Variants in ZNF497 observed in about 807,000 individuals in gnomAD.
ZNF497 encodes the protein zinc finger protein 497.
For synonymous variants in ZNF497, 422 were observed against 313.7 expected (o/e 1.35, Z -3.65); for missense variants, 930 against 714.0 (o/e 1.30, Z -3.45).
chr19:58,356,157 C>A lies in ZNF497; in HGVS notation c.1479G>T (p.Gly493=), dbSNP rs2052014703. The A allele has an allele frequency of 6.4e-7, 1 of 1,568,360 alleles. No individual in the cohort carries two copies. The change falls in exon 3 of 3, where the codon GGG becomes GGT. Residue 493 remains glycine (G), a synonymous_variant. Transcript: ENST00000311044. The part of the protein sequence containing the change: ...CNLNEHQKRH[G]GRAAP ...CCTCGGGTCAGGGCGCAGCGCGGCC[C>A]CCGTGCCGCTTCTGGTGCTCGTTGA...
In ZNF497 at chr19:58,355,152, T is replaced by G. The variant is rs1178311251; in HGVS notation, c.*987A>C. ...AGTCCCTAACTTATATCCCCTCTGT[T>G]TGAAATACCTAGTGTGGTTTCTATT... On this transcript the variant is annotated 3_prime_UTR_variant, in exon 3 of 3. Transcript: ENST00000311044. The G allele has an allele frequency of 1.3e-5, 2 of 152,270 alleles. No individual in the cohort carries two copies. Among genetic ancestry groups the G allele is most frequent in the African/African-American group, 4.8e-5 (2 of 41,440 alleles). The allele number at this position is 152,270 out of a possible 1,614,324, so 9.4% of individuals were successfully genotyped here. A position where few individuals can be genotyped will look rare whatever the true frequency, so the allele number is the denominator to read the frequency against.
At chr19:58,358,087 C>T (rs1010024598) in intron 2 of ZNF497, 29 of 1,240,324 alleles carry the variant, frequency 2.3e-5, no homozygotes, top group Non-Finnish European at 2.9e-5. Flanking sequence ...TGGAGGACAC[C>T]GCCTGACCCA....
chr19:58,356,234 T>C lies in ZNF497; in HGVS notation c.1402A>G (p.Arg468Gly). 6.2e-7 allele frequency: 1 copy of C among 1,607,556 alleles called. No homozygotes were observed. The highest frequency in any genetic ancestry group is 8.5e-7 in the Non-Finnish European group (1 of 1,177,506). Reference protein sequence around the residue: ...LSHRRTHTGERPYACGECGKP... With the variant: ...LSHRRTHTGEGPYACGECGKP... Reference sequence around the variant, plus strand: ...CCGCACTCGCCGCAAGCGTAGGGCCTCTCGCCCGTGTGCGTGCGCCGGTGG... The same window carrying C: ...CCGCACTCGCCGCAAGCGTAGGGCCCCTCGCCCGTGTGCGTGCGCCGGTGG... The change falls in exon 3 of 3, where the codon AGG becomes GGG. Residue 468 changes from arginine to glycine, a missense_variant. Coordinates refer to ENST00000311044, the MANE Select transcript of ZNF497 (RefSeq NM_198458.3).
Position 58,356,711 on chromosome 19 carries a change from T to G in ZNF497, c.925A>C (p.Lys309Gln), listed in dbSNP as rs1365631248. 1 of 1,568,250 alleles carries G rather than the reference T, an allele frequency of 6.4e-7. No homozygotes were observed. The highest frequency in any genetic ancestry group is 2.3e-5 in the East Asian group (1 of 42,800). Residue 309 changes from lysine to glutamine, a missense_variant, in exon 3 of 3, where the codon AAG becomes CAG. Lys to Gln is a moderately conservative substitution (Grantham distance 53). Transcript: ENST00000311044. ...AGCTGCGAGCTCTCGCGGAAAGCCTTTCCGCACTCGGCGCAGGGGAAGGGC... is the reference window on the plus strand; with the variant it reads ...AGCTGCGAGCTCTCGCGGAAAGCCTGTCCGCACTCGGCGCAGGGGAAGGGC... ...EKPFPCAECG[K>Q]AFRESSQLLQ... is the part of the protein sequence containing the mutation.
chr19:58,358,856 C>T (rs977306825), intron 1 of ZNF497: 5 of 456,860 alleles, frequency 1.1e-5, no homozygotes, highest in Middle Eastern at 3.2e-4. Flanking sequence ...CAGCTGGGGT[C>T]GTGAGCAGGG....
In ZNF497 at chr19:58,356,779, A is replaced by G. The variant is rs2052028087; in HGVS notation, c.857T>C (p.Val286Ala). The change falls in exon 3 of 3, where the codon GTG (valine) becomes GCG (alanine). Residue 286 changes from valine to alanine, a missense_variant. Physicochemically the swap from Val to Ala is moderately conservative, Grantham distance 64. Transcript: ENST00000311044. ...CPDCGKAFVR[V>A]AGLRQHRRTH... Reference sequence around the variant, plus strand: ...GCGCCGGTGCTGCCGCAGCCCCGCCACACGCACGAAGGCCTTGCCGCAGTC... The same window carrying G: ...GCGCCGGTGCTGCCGCAGCCCCGCCGCACGCACGAAGGCCTTGCCGCAGTC... 6.5e-7 allele frequency: 1 copy of G among 1,550,086 alleles called. No homozygotes were observed. The highest frequency in any genetic ancestry group is 1.5e-5 in the African/African-American group (1 of 68,286).
In ZNF497 at chr19:58,355,785, G is replaced by C. The variant is rs2052010406; in HGVS notation, c.*354C>G. 1 of 229,546 alleles carries C rather than the reference G, an allele frequency of 4.4e-6. No homozygotes were observed. Among genetic ancestry groups the C allele is most frequent in the Non-Finnish European group, 8.4e-6 (1 of 119,076 alleles). The allele number at this position is 229,546 out of a possible 1,614,324, so 14.2% of individuals were successfully genotyped here. A position where few individuals can be genotyped will look rare whatever the true frequency, so the allele number is the denominator to read the frequency against. Reference sequence around the variant, plus strand: ...GTGGTGACCATGTGGACTGGGGGGTGGGTTGGCTGCTTTTGACAGTGCCAG... The same window carrying C: ...GTGGTGACCATGTGGACTGGGGGGTCGGTTGGCTGCTTTTGACAGTGCCAG... On this transcript the variant is annotated 3_prime_UTR_variant, in exon 3 of 3. Transcript: ENST00000311044.
chr19:58,355,960 A>G lies in ZNF497; in HGVS notation c.*179T>C, dbSNP rs999162647. The G allele has an allele frequency of 1.6e-5, 11 of 670,312 alleles. 1 individual carries two copies. The highest frequency in any genetic ancestry group is 4.8e-5 in the South Asian group (2 of 42,006). 41.5% of individuals were successfully genotyped at this position (670,312 alleles called of 1,614,324 possible). Reference sequence around the variant, plus strand: ...CCAGACAGGCCTGGGTGGCCGGTGGACTATCGTCAAAGGGACTGTGCAGCC... The same window carrying G: ...CCAGACAGGCCTGGGTGGCCGGTGGGCTATCGTCAAAGGGACTGTGCAGCC... On this transcript the variant is annotated 3_prime_UTR_variant, in exon 3 of 3. Coordinates refer to ENST00000311044, the MANE Select transcript of ZNF497 (RefSeq NM_198458.3).
At chr19:58,361,913 C>A (rs1422993690) in intron 1 of ZNF497, among the ~76,000 whole-genome samples, 1 of 152,194 alleles carries the variant, frequency 6.6e-6, no homozygotes, top group Non-Finnish European at 1.5e-5. Context: ...CCCGACCCGC[C>A]AGCCCCCAGC....
At chr19:58,359,125 G>A (rs1382796767) in intron 1 of ZNF497, 6 of 1,211,758 alleles carry the variant, frequency 5.0e-6, no homozygotes, top group East Asian at 5.4e-5. Context: ...GGGCCCCTCG[G>A]GGCCCTGCTG....
intron 1 of ZNF497, chr19:58,359,151 A>AC: frequency 7.8e-7 from 1 of 1,278,812 alleles, no homozygotes; most frequent in Non-Finnish European, 1.0e-6. Context: ...TCATAGCAGA[A>AC]CCCCCAGAAG....
At position 58,356,976 on chromosome 19, in the gene ZNF497, G is replaced by A. The variant is rs144478073; in HGVS notation, c.660C>T (p.Cys220=). The change falls in exon 3 of 3, where the codon TGC becomes TGT. Residue 220 remains cysteine (C), a synonymous_variant. Coordinates refer to ENST00000311044, the MANE Select transcript of ZNF497 (RefSeq NM_198458.3). ...AGCTGAAGGCCTTGCCGCACTCCGG[G>A]CACTCGTAGGGCTTCTCGCCCGTGT... ...RTHTGEKPYE[C]PECGKAFSWN... is the part of the protein sequence containing the mutation. 18 of 1,608,134 alleles carry A rather than the reference G, an allele frequency of 1.1e-5. No homozygotes were observed. In the African/African-American group the frequency reaches 1.9e-4, roughly 17 times the overall value.
intron 1 of ZNF497, among the ~76,000 whole-genome samples, chr19:58,361,418 G>A (rs188202698): frequency 1.4e-4 from 21 of 152,226 alleles, no homozygotes; most frequent in Non-Finnish European, 2.2e-4. Flanking sequence ...GTGCAGTGGC[G>A]TGATGTGGGC....
chr19:58,356,292 G>C lies in ZNF497; in HGVS notation c.1344C>G (p.Ser448Arg), dbSNP rs750383521. The C allele has an allele frequency of 6.3e-7, 1 of 1,592,160 alleles. No individual in the cohort carries two copies. The highest frequency in any genetic ancestry group is 2.3e-5 in the East Asian group (1 of 44,102). The change falls in exon 3 of 3, where the codon AGC becomes AGG. Residue 448 changes from serine to arginine, a missense_variant. Transcript: ENST00000311044. Reference sequence around the variant, plus strand: ...GCTCCGACTTGCGCACGAAGGCCTTGCTGCAGTGGGCGCAGACGAACGGCC... The same window carrying C: ...GCTCCGACTTGCGCACGAAGGCCTTCCTGCAGTGGGCGCAGACGAACGGCC... ...GERPFVCAHC[S>R]KAFVRKSELL...
In ZNF497 at chr19:58,362,747, G is replaced by A. The variant is rs1332388703; in HGVS notation, c.-182C>T. 2.6e-5 allele frequency: 4 copies of A among 152,212 alleles called. No homozygotes were observed. Among genetic ancestry groups the A allele is most frequent in the Admixed American group, 6.5e-5 (1 of 15,288 alleles). 9.4% of individuals were successfully genotyped at this position (152,212 alleles called of 1,614,324 possible). On this transcript the variant is annotated 5_prime_UTR_variant, in exon 1 of 3. Coordinates refer to ENST00000311044, the MANE Select transcript of ZNF497 (RefSeq NM_198458.3). ...GCCCGCACGCGGGCTCGAGCCGCGT[G>A]GAATGGTAGGAGGGCGGGCACCGGG...
chr19:58,357,017 G>A lies in ZNF497; in HGVS notation c.619C>T (p.Gln207Ter), dbSNP rs772557594. ...KSFGRSTTLV[Q>*]HRRTHTGEKP... Reference sequence around the variant, plus strand: ...TCGCCCGTGTGCGTGCGTCGGTGCTGCACCAGCGTGGTGCTTCGGCCGAAG... The same window carrying A: ...TCGCCCGTGTGCGTGCGTCGGTGCTACACCAGCGTGGTGCTTCGGCCGAAG... The change falls in exon 3 of 3, where the codon CAG becomes TAG. Residue 207 changes from glutamine to a stop codon, truncating the protein, a stop_gained. Coordinates refer to ENST00000311044, the MANE Select transcript of ZNF497 (RefSeq NM_198458.3). LOFTEE classifies it low-confidence loss of function (END_TRUNC). 2.5e-6 allele frequency: 4 copies of A among 1,609,762 alleles called. No homozygotes were observed. Among genetic ancestry groups the A allele is most frequent in the Non-Finnish European group, 3.4e-6 (4 of 1,179,110 alleles).
Position 58,356,327 on chromosome 19 carries a change from AGTGCAGGCGCTG to A in ZNF497, c.1297_1308del (p.Gln433_His436del). On this transcript the variant is annotated inframe_deletion, in exon 3 of 3. Transcript: ENST00000311044. Reference sequence around the variant, plus strand: ...GCGCAGACGAACGGCCTCTCGCCAGAGTGCAGGCGCTGGTGCTGGCGCAGCTCGGAGCTGCCG... The same window carrying A: ...GCGCAGACGAACGGCCTCTCGCCAGAGTGCTGGCGCAGCTCGGAGCTGCCG... The A allele has an allele frequency of 1.3e-6, 2 of 1,571,258 alleles. No individual in the cohort carries two copies. Among genetic ancestry groups the A allele is most frequent in the African/African-American group, 1.4e-5 (1 of 73,324 alleles).
rs1183594279 is a variant in ZNF497, at chr19:58,356,723, C to G, written c.913G>C (p.Ala305Pro). The change falls in exon 3 of 3, where the codon GCC (alanine) becomes CCC (proline). Residue 305 changes from alanine (A) to proline (P), a missense_variant. Physicochemically the swap from Ala to Pro is conservative, Grantham distance 27 (BLOSUM62 -1). Coordinates refer to ENST00000311044, the MANE Select transcript of ZNF497 (RefSeq NM_198458.3). ...THSSEKPFPC[A>P]ECGKAFRESS... ...TCGCGGAAAGCCTTTCCGCACTCGG[C>G]GCAGGGGAAGGGCTTCTCGCTGCTG... The G allele has an allele frequency of 1.3e-6, 2 of 1,569,808 alleles. No homozygotes were observed. The highest frequency in any genetic ancestry group is 1.8e-5 in the Admixed American group (1 of 54,950).
intron 1 of ZNF497, chr19:58,358,947 G>A: frequency 4.4e-6 from 2 of 459,040 alleles, no homozygotes; most frequent in Non-Finnish European, 8.7e-6. Context: ...CGCTCTGCCA[G>A]GGCAGTGGCC....
Sources: allele counts gnomAD v4.1 joint callset (sites outside exome capture counted in the v4.1 genomes callset), GRCh38; gene constraint gnomAD v4.1.1; transcripts MANE v1.5; gene names NCBI Gene and HGNC (gene_info 2026-07-23, HGNC 2026-07-21).